HTT: variants seen among roughly 807,000 people sequenced by gnomAD.
HTT encodes huntington disease protein.
A neutral mutation model predicts 362.3 loss-of-function variants in HTT; 104 were observed. That is an observed-to-expected ratio of 0.29 (90% CI 0.24 to 0.34). The LOEUF (loss-of-function observed/expected upper bound fraction) is 0.34. Among genes scored for constraint, HTT ranks in the 10% least tolerant of loss-of-function variants. The probability of loss-of-function intolerance (pLI) is 1.00; values close to 1 mark genes in which losing one functional copy is unlikely to be tolerated. For missense variants in HTT, 3,301 were observed against 3,928.6 expected (o/e 0.84, Z 4.27); for synonymous variants, 1,577 against 1,548.7 (o/e 1.02, Z -0.43).
chr4:3,136,296 T>G lies in HTT; in HGVS notation c.2768T>G (p.Val923Gly). ...IHLLGDEDPR[V>G]RHVAAASLIR... ...TTGCTTGGAGATGAAGACCCCAGGGTGCGACATGTTGCCGCAGCATCACTA... is the reference window on the plus strand; with the variant it reads ...TTGCTTGGAGATGAAGACCCCAGGGGGCGACATGTTGCCGCAGCATCACTA... Residue 923 changes from valine (V) to glycine (G), a missense_variant, in exon 21 of 67, where the codon GTG becomes GGG. By Grantham distance (109) the Val-to-Gly change is moderately radical. This residue lies in a region of HTT where 2,316 missense variants were observed against 2,658.5 expected (regional missense o/e 0.87). Transcript: ENST00000355072. 1 of 1,606,856 alleles carries G rather than the reference T, an allele frequency of 6.2e-7. No individual in the cohort carries two copies. The highest frequency in any genetic ancestry group is 8.5e-7 in the Non-Finnish European group (1 of 1,173,644).
chr4:3,085,019 A>C (rs992283604), intron 1 of HTT, among the ~76,000 whole-genome samples: 2 of 126,540 alleles, frequency 1.6e-5, no homozygotes, highest in Non-Finnish European at 3.2e-5. Context: ...GTCTCGGGGG[A>C]AAAAAAAAAA....
At chr4:3,083,562 C>T (rs1031453236) in intron 1 of HTT, among the ~76,000 whole-genome samples, 13 of 148,366 alleles carry the variant, frequency 8.8e-5, no homozygotes, top group African/African-American at 3.1e-4. Context: ...CACACACACA[C>T]ACACACACAC....
chr4:3,100,821 G>A (rs1714116965), intron 3 of HTT, among the ~76,000 whole-genome samples: 2 of 152,168 alleles, frequency 1.3e-5, no homozygotes, highest in South Asian at 2.1e-4. Context: ...TTGAGCTACC[G>A]GGCTCAAGCT....
intron 29 of HTT, among the ~76,000 whole-genome samples, chr4:3,162,910 C>T (rs1052285022): frequency 6.6e-6 from 1 of 152,098 alleles, no homozygotes; most frequent in Admixed American, 6.5e-5. Context: ...ATTTGAATAC[C>T]CTTTATTGCT....
At chr4:3,233,850 A>G (rs1039003639) in intron 61 of HTT, among the ~76,000 whole-genome samples, 2 of 152,222 alleles carry the variant, frequency 1.3e-5, no homozygotes, top group Non-Finnish European at 2.9e-5. Context: ...GAGCAAGTCA[A>G]GCTCTTCACA....
intron 1 of HTT, among the ~76,000 whole-genome samples, chr4:3,080,583 A>C (rs1321335041): frequency 6.6e-6 from 1 of 152,154 alleles, no homozygotes; most frequent in Non-Finnish European, 1.5e-5. Context: ...TGTCTTTTGA[A>C]GTGTAAAAGT....
chr4:3,186,128 A>G (rs1352449054), intron 37 of HTT, among the ~76,000 whole-genome samples: 3 of 152,160 alleles, frequency 2.0e-5, no homozygotes, highest in Non-Finnish European at 2.9e-5. Flanking sequence ...CATGGGGCAG[A>G]TTAAGAAAGG....
intron 22 of HTT, among the ~76,000 whole-genome samples, chr4:3,142,528 G>A (rs1312211063): frequency 6.6e-6 from 1 of 152,088 alleles, no homozygotes; most frequent in African/African-American, 2.4e-5. Flanking sequence ...AGTAGGCAAC[G>A]CTGTAAGGGG....
intron 36 of HTT, among the ~76,000 whole-genome samples, chr4:3,181,999 A>G (rs936439536): frequency 3.3e-5 from 5 of 152,272 alleles, no homozygotes; most frequent in African/African-American, 1.2e-4. Flanking sequence ...TAGTTTAGTC[A>G]AGGCTGTGTT....
intron 5 of HTT, among the ~76,000 whole-genome samples, chr4:3,106,384 T>C (rs186123385): frequency 6.6e-6 from 1 of 152,266 alleles, no homozygotes; most frequent in East Asian, 1.9e-4. Flanking sequence ...AAAGAACTTA[T>C]ATGGCTGCAG....
intron 26 of HTT, 98 bp from the exon 27 acceptor site, chr4:3,154,195 A>G: frequency 9.8e-7 from 1 of 1,024,974 alleles, no homozygotes. Context: ...AGCTCTTTTT[A>G]ATAAATGGTA....
intron 1 of HTT, among the ~76,000 whole-genome samples, chr4:3,077,656 G>A (rs1712633166): frequency 6.6e-6 from 1 of 152,148 alleles, no homozygotes; most frequent in Admixed American, 6.5e-5. Context: ...CTGACCTTGT[G>A]ATCTGTCCAC....
intron 27 of HTT, among the ~76,000 whole-genome samples, chr4:3,155,556 T>C (rs374501256): frequency 6.6e-6 from 1 of 151,218 alleles, no homozygotes; most frequent in East Asian, 1.9e-4. Context: ...CAAAATTGTA[T>C]ATATCTGTAA....
At chr4:3,180,740 A>C (rs930255392) in intron 36 of HTT, 89 bp downstream of exon 36, 1 of 1,056,878 alleles carries the variant, frequency 9.5e-7, no homozygotes, top group African/African-American at 1.7e-5. Flanking sequence ...CTCACTGTTA[A>C]CTGTGTTACT....
chr4:3,127,496 C>T lies in HTT; in HGVS notation c.1635C>T (p.Ala545=). 1 of 1,614,230 alleles carries T rather than the reference C, an allele frequency of 6.2e-7. No individual in the cohort carries two copies. Among genetic ancestry groups the T allele is most frequent in the Non-Finnish European group, 8.5e-7 (1 of 1,180,036 alleles). The change falls in exon 12 of 67, where the codon GCC becomes GCT. Residue 545 remains alanine (A), a synonymous_variant. Coordinates refer to ENST00000355072, the MANE Select transcript of HTT (RefSeq NM_001388492.1). ...TCAGCGCCGTCCCATCTGACCCTGC[C>T]ATGGACCTGAATGATGGGACCCAGG... ...SQVSAVPSDP[A]MDLNDGTQAS...
chr4:3,133,014 A>G, intron 18 of HTT, 103 bp downstream of exon 18: 2 of 891,586 alleles, frequency 2.2e-6, no homozygotes, highest in Admixed American at 3.5e-5. Context: ...ATGCACTCTA[A>G]AGCTGTAACC....
intron 27 of HTT, among the ~76,000 whole-genome samples, chr4:3,156,435 G>T (rs1475185350): frequency 6.6e-6 from 1 of 152,124 alleles, no homozygotes; most frequent in African/African-American, 2.4e-5. Context: ...CGTTTTAAAA[G>T]ATGCTCTTTT....
At chr4:3,097,414 C>T (rs1323262084) in intron 2 of HTT, among the ~76,000 whole-genome samples, 1 of 152,026 alleles carries the variant, frequency 6.6e-6, no homozygotes, top group Non-Finnish European at 1.5e-5. Context: ...GACAGATCAC[C>T]TGAGGTCAGG....
At position 3,121,365 on chromosome 4, in the gene HTT, G is replaced by A. The variant is rs890575926; in HGVS notation, c.1206G>A (p.Gly402=). The change falls in exon 9 of 67, where the codon GGG becomes GGA. Residue 402 remains glycine (G), a synonymous_variant. Transcript: ENST00000355072. The part of the protein sequence containing the change: ...LQTLTAVGGI[G]QLTAAKEESG... ...CCCTGACCGCAGTCGGGGGCATTGGGCAGCTCACCGCTGCTAAGGAGGAGT... is the reference window on the plus strand; with the variant it reads ...CCCTGACCGCAGTCGGGGGCATTGGACAGCTCACCGCTGCTAAGGAGGAGT... 6.2e-7 allele frequency: 1 copy of A among 1,614,176 alleles called. No homozygotes were observed. The highest frequency in any genetic ancestry group is 8.5e-7 in the Non-Finnish European group (1 of 1,180,020).
Sources: gnomAD v4.1 joint callset for allele counts (sites outside exome capture counted in the v4.1 genomes callset) on GRCh38, gnomAD v4.1.1 for gene constraint, gnomAD v4.1.1 regional missense constraint, MANE v1.5 for transcripts, NCBI Gene and HGNC (gene_info 2026-07-23, HGNC 2026-07-21) for gene names.